The following ASIC2 variants were observed in gnomAD, a reference collection of about 807,000 sequenced individuals.
The protein encoded by ASIC2 is acid sensing ion channel subunit 2.
In ASIC2, 25 loss-of-function variants were observed where a neutral mutation model predicts 57.3. That is an observed-to-expected ratio of 0.44 (90% confidence interval 0.32 to 0.61). The LOEUF is 0.61. Among genes scored for constraint, ASIC2 ranks in the 20% least tolerant of loss-of-function variants. The pLI, the probability that ASIC2 is intolerant of heterozygous loss-of-function variation, is 0.06. For missense variants in ASIC2, 641 were observed against 738.1 expected, an observed-to-expected ratio of 0.87 and a Z score of 1.52; for synonymous variants, 319 against 307.5, an observed-to-expected ratio of 1.04 and a Z score of -0.39.
intron 1 of ASIC2, among the ~76,000 whole-genome samples, chr17:34,011,711 T>C (rs543562607): frequency 2.0e-5 from 3 of 152,300 alleles, no homozygotes; most frequent in African/African-American, 4.8e-5. Context: ...AAGGGGCTAA[T>C]TGCCAAATCA....
At chr17:33,971,107 G>A (rs541478583) in intron 1 of ASIC2, among the ~76,000 whole-genome samples, 2 of 152,224 alleles carry the variant, frequency 1.3e-5, no homozygotes, top group East Asian at 3.9e-4. Flanking sequence ...CCACTCAAAG[G>A]GCACACAGTG....
chr17:34,085,241 A>G (rs1567814982), intron 1 of ASIC2, among the ~76,000 whole-genome samples: 1 of 152,190 alleles, frequency 6.6e-6, no homozygotes, highest in Non-Finnish European at 1.5e-5. Flanking sequence ...GAGAGTTTTT[A>G]GCATGAAGGT....
At position 33,302,235 on chromosome 17, in the gene ASIC2, A is replaced by G. The variant is rs569570441; in HGVS notation, c.556-190168T>C. 1.2e-4 allele frequency among the ~76,000 whole-genome samples: 18 copies of G among 152,336 alleles called. No individual in the cohort carries two copies. The East Asian group carries it at 1.3e-3, about 11-fold the overall frequency. The stretch of plus-strand genomic sequence containing the variant: ...CTACCCAATTTGCTGTCCCATACAC[A>G]TAACAAAACTCTCGTTAAAATAGTT... On this transcript the variant is annotated intron_variant, in intron 1 of 9. Coordinates refer to the ASIC2 transcript ENST00000359872.
intron 1 of ASIC2, among the ~76,000 whole-genome samples, chr17:33,211,103 A>G (rs1907251070): frequency 9.7e-6 from 1 of 102,750 alleles, no homozygotes; most frequent in Non-Finnish European, 1.9e-5. Context: ...AAGAACAAAG[A>G]GGATTTTCAG....
At chr17:33,595,078 T>C (rs569168141) in intron 1 of ASIC2, among the ~76,000 whole-genome samples, 5 of 151,552 alleles carry the variant, frequency 3.3e-5, no homozygotes, top group African/African-American at 1.2e-4. Context: ...ACAAAAAAAT[T>C]AGCTGGGCTT....
chr17:33,833,236 C>T (rs1913168040), intron 1 of ASIC2, among the ~76,000 whole-genome samples: 1 of 152,064 alleles, frequency 6.6e-6, no homozygotes, highest in South Asian at 2.1e-4. Flanking sequence ...TGATAAGCAT[C>T]CCAAGGGCCA....
At chr17:33,367,870 C>A (rs573332815) in intron 1 of ASIC2, among the ~76,000 whole-genome samples, 7 of 152,300 alleles carry the variant, frequency 4.6e-5, no homozygotes, top group African/African-American at 1.7e-4. Context: ...TGCCAAGCAC[C>A]TTCTTTGTTC....
At position 33,120,581 on chromosome 17, in the gene ASIC2, A is replaced by C. The variant is rs113550374; in HGVS notation, c.709-8514T>G. On this transcript the variant is annotated intron_variant, in intron 1 of 9. Coordinates refer to ENST00000225823, the MANE Select transcript of ASIC2 (RefSeq NM_183377.2). ...CCTCTGCTGCTGCATCCCTCCTGAC[A>C]ACTCATCTGAGAATCCCAAATTTGG... Among the ~76,000 whole-genome samples, 1,102 of 152,320 alleles carry C rather than the reference A, an allele frequency of 7.2e-3. 12 individuals carry two copies. Among genetic ancestry groups the C allele is most frequent in the African/African-American group, 0.024 (981 of 41,566 alleles).
At chr17:34,049,929 C>T (rs1377495797) in intron 1 of ASIC2, among the ~76,000 whole-genome samples, 1 of 152,172 alleles carries the variant, frequency 6.6e-6, no homozygotes, top group Non-Finnish European at 1.5e-5. Context: ...CCTGACTCCT[C>T]AACTGTGAGA....
rs3032192 is a variant in ASIC2, at chr17:33,639,761, G to GAAAAAAAAAAAAAAAAAAAA, written c.555+516216_555+516217insTTTTTTTTTTTTTTTTTTTT. On this transcript the variant is annotated intron_variant, in intron 1 of 9. Coordinates refer to the ASIC2 transcript ENST00000359872. The stretch of plus-strand genomic sequence containing the variant: ...AGGGTGGGCAGAAAGCTCAGGTTAA[G>GAAAAAAAAAAAAAAAAAAAA]AAAAAAAAAAAAAAAAAGCGGAACA... Among the ~76,000 whole-genome samples the GAAAAAAAAAAAAAAAAAAAA allele has an allele frequency of 1.6e-5, 2 of 125,140 alleles. 1 individual carries two copies. The allele number at this position is 125,140 out of a possible 152,430, so 82.1% of individuals were successfully genotyped here. A position where few individuals can be genotyped will look rare whatever the true frequency, so the allele number is the denominator to read the frequency against.
intron 1 of ASIC2, among the ~76,000 whole-genome samples, chr17:33,340,516 TA>T (rs1907680991): frequency 7.1e-6 from 1 of 141,132 alleles, no homozygotes; most frequent in East Asian, 2.2e-4. Flanking sequence ...TTTCTTCCCA[TA>T]AGCCTTGAGG....
Position 33,418,028 on chromosome 17 carries a change from A to ATGTGTGTGTG in ASIC2, c.556-305971_556-305962dup, listed in dbSNP as rs1161141315. ...CCACTCTGGCTCTCAGCATGTATGT[A>ATGTGTGTGTG]TGTGTGTGTGTGTGTGTGTGTGTGT... On this transcript the variant is annotated intron_variant, in intron 1 of 9. Coordinates refer to the ASIC2 transcript ENST00000359872. Among the ~76,000 whole-genome samples the ATGTGTGTGTG allele has an allele frequency of 1.9e-3, 128 of 67,758 alleles. 2 individuals are homozygous for ATGTGTGTGTG. The highest frequency in any genetic ancestry group is 3.5e-3 in the African/African-American group (95 of 26,980). The allele number at this position is 67,758 out of a possible 152,430, so 44.5% of individuals were successfully genotyped here.
intron 1 of ASIC2, among the ~76,000 whole-genome samples, chr17:33,706,179 T>TGTGTGTGA (rs1555553391): frequency 6.8e-6 from 1 of 147,860 alleles, no homozygotes; most frequent in African/African-American, 2.5e-5. Flanking sequence ...TGTGTGTGTG[T>TGTGTGTGA]GTGTATGACT....
intron 1 of ASIC2, among the ~76,000 whole-genome samples, chr17:33,422,189 G>T (rs1168545816): frequency 2.6e-5 from 4 of 152,188 alleles, no homozygotes; most frequent in Admixed American, 6.5e-5. Flanking sequence ...CAATTTCATT[G>T]CAAGTTCTGT....
chr17:33,711,088 T>C (rs1372093940), intron 1 of ASIC2, among the ~76,000 whole-genome samples: 1 of 152,134 alleles, frequency 6.6e-6, no homozygotes, highest in Admixed American at 6.5e-5. Context: ...AGTGCTGAGA[T>C]TACAGGTGTG....
intron 1 of ASIC2, among the ~76,000 whole-genome samples, chr17:33,222,496 G>A (rs1351485246): frequency 6.6e-6 from 1 of 152,234 alleles, no homozygotes; most frequent in African/African-American, 2.4e-5. Flanking sequence ...TGTGATAGAT[G>A]CATGTCCTTG....
intron 1 of ASIC2, among the ~76,000 whole-genome samples, chr17:33,650,760 T>C (rs1282926884): frequency 6.6e-6 from 1 of 152,194 alleles, no homozygotes; most frequent in African/African-American, 2.4e-5. Flanking sequence ...TCCATTCATA[T>C]AACATTCTTG....
intron 1 of ASIC2, among the ~76,000 whole-genome samples, chr17:33,928,878 G>A (rs902790705): frequency 6.6e-6 from 1 of 152,184 alleles, no homozygotes; most frequent in Non-Finnish European, 1.5e-5. Flanking sequence ...CTGAAAGTCT[G>A]TTAGGTAACC....
At chr17:33,436,458 A>G (rs1911610916) in intron 1 of ASIC2, among the ~76,000 whole-genome samples, 1 of 152,134 alleles carries the variant, frequency 6.6e-6, no homozygotes, top group East Asian at 1.9e-4. Context: ...CATTCTGGCA[A>G]CTGACTGAAC....
Sources: allele counts gnomAD v4.1 joint callset (sites outside exome capture counted in the v4.1 genomes callset), GRCh38; gene constraint gnomAD v4.1.1; transcripts MANE v1.5; gene names NCBI Gene and HGNC (gene_info 2026-07-23, HGNC 2026-07-21).